The following AUTS2 variants were observed in gnomAD, a reference collection of about 807,000 sequenced individuals.
The protein encoded by AUTS2 is activator of transcription and developmental regulator AUTS2, also known as autism susceptibility gene 2 protein.
AUTS2 carries 17 observed loss-of-function variants against 112.4 expected under a neutral mutation model. That is an observed-to-expected ratio of 0.15 (90% CI 0.10 to 0.23). The LOEUF (loss-of-function observed/expected upper bound fraction) is 0.23, where lower values mean the gene tolerates loss of function less well. AUTS2 is among the 10% of genes least tolerant of loss of function. AUTS2 has a pLI of 1.00. For synonymous variants in AUTS2, 751 were observed against 702.7 expected, an observed-to-expected ratio of 1.07 and a Z score of -1.09; for missense variants, 1,510 against 1,701.6, an observed-to-expected ratio of 0.89 and a Z score of 1.98.
intron 1 of AUTS2, among the ~76,000 whole-genome samples, chr7:69,745,168 C>T (rs1348984521): frequency 6.6e-6 from 1 of 152,158 alleles, no homozygotes; most frequent in Non-Finnish European, 1.5e-5. Flanking sequence ...AAAACCACCT[C>T]TCCCTACGCC....
intron 4 of AUTS2, among the ~76,000 whole-genome samples, chr7:70,186,485 C>A (rs1190900109): frequency 3.3e-5 from 5 of 151,896 alleles, no homozygotes; most frequent in African/African-American, 1.2e-4. Context: ...ATTCCTGAAC[C>A]AAAAGATAAG....
chr7:70,746,173 G>T (rs1246027794), intron 6 of AUTS2, among the ~76,000 whole-genome samples: 1 of 152,162 alleles, frequency 6.6e-6, no homozygotes, highest in Non-Finnish European at 1.5e-5. Flanking sequence ...TTGAGACAGA[G>T]TCTCACTCTG....
intron 5 of AUTS2, among the ~76,000 whole-genome samples, chr7:70,510,464 T>G (rs962130105): frequency 5.9e-5 from 9 of 152,222 alleles, no homozygotes; most frequent in African/African-American, 2.2e-4. Flanking sequence ...ACACAGTGGT[T>G]CTCAAAGAGT....
intron 5 of AUTS2, among the ~76,000 whole-genome samples, chr7:70,685,027 C>T (rs2129545648): frequency 6.6e-6 from 1 of 152,202 alleles, no homozygotes; most frequent in Middle Eastern, 3.4e-3. Flanking sequence ...GGGTTCACTT[C>T]TTGGTTGGTT....
At chr7:69,630,113 C>T (rs547981610) in intron 1 of AUTS2, among the ~76,000 whole-genome samples, 3 of 152,166 alleles carry the variant, frequency 2.0e-5, no homozygotes, top group East Asian at 3.9e-4. Context: ...AAAAATTAGC[C>T]AGGCGTAGTG....
intron 4 of AUTS2, among the ~76,000 whole-genome samples, chr7:70,364,463 A>G (rs60365988): frequency 0.095 from 14,354 of 151,606 alleles, 1,096 homozygotes; most frequent in African/African-American, 0.21. Context: ...CTACTTGGGA[A>G]GCTGAGGCAG....
intron 2 of AUTS2, among the ~76,000 whole-genome samples, chr7:70,038,291 G>A (rs977521259): frequency 1.3e-5 from 2 of 152,124 alleles, no homozygotes; most frequent in Non-Finnish European, 2.9e-5. Flanking sequence ...TACAAATGAA[G>A]GAGGGAATAG....
intron 1 of AUTS2, among the ~76,000 whole-genome samples, chr7:69,790,431 A>G (rs1176221785): frequency 6.6e-6 from 1 of 152,180 alleles, no homozygotes; most frequent in African/African-American, 2.4e-5. Flanking sequence ...GGAGAGGGAG[A>G]AAAGGGTGGT....
At chr7:70,151,925 T>A (rs909197375) in intron 4 of AUTS2, among the ~76,000 whole-genome samples, 5 of 152,152 alleles carry the variant, frequency 3.3e-5, no homozygotes, top group African/African-American at 1.2e-4. Context: ...GAATCAGATG[T>A]TAGAATTAAC....
chr7:69,928,809 G>A (rs1041818775), intron 2 of AUTS2, among the ~76,000 whole-genome samples: 1 of 152,092 alleles, frequency 6.6e-6, no homozygotes, highest in Admixed American at 6.5e-5. Flanking sequence ...TTCCTGTCCC[G>A]CCAACTCTGT....
chr7:70,668,747 C>T (rs1003539336), intron 5 of AUTS2, among the ~76,000 whole-genome samples: 21 of 152,182 alleles, frequency 1.4e-4, no homozygotes, highest in African/African-American at 4.6e-4. Flanking sequence ...TCTGGGTGAA[C>T]GCATGACATA....
chr7:70,789,737 C>G lies in AUTS2; in HGVS notation c.2532-11C>G, dbSNP rs577956315. The G allele has an allele frequency of 1.2e-5, 19 of 1,605,512 alleles. No individual in the cohort carries two copies. The African/African-American group carries it at 2.4e-4, about 20-fold the overall frequency. On this transcript the variant is annotated splice_polypyrimidine_tract_variant and intron_variant, in intron 18 of 18. Coordinates refer to ENST00000342771, the MANE Select transcript of AUTS2 (RefSeq NM_015570.4). ...TTCATCTGCGTCCTTGTCTTCCCCT[C>G]TCTCCCCCAGGGAAAGCGTCGAGAA...
chr7:70,414,851 T>C (rs2130542154), intron 4 of AUTS2, among the ~76,000 whole-genome samples: 1 of 152,192 alleles, frequency 6.6e-6, no homozygotes, highest in East Asian at 1.9e-4. Flanking sequence ...CAGTTTGTCT[T>C]TAGTTTACTT....
chr7:70,491,397 T>C (rs1274636696), intron 5 of AUTS2, among the ~76,000 whole-genome samples: 1 of 147,938 alleles, frequency 6.8e-6, no homozygotes, highest in African/African-American at 2.5e-5. Context: ...GTTAAATGAC[T>C]TGGTGTGTGT....
chr7:69,719,565 G>A (rs1238387643), intron 1 of AUTS2, among the ~76,000 whole-genome samples: 1 of 152,198 alleles, frequency 6.6e-6, no homozygotes, highest in South Asian at 2.1e-4. Context: ...TTTGGTGTCA[G>A]GAAACCTGTC....
At chr7:70,323,466 C>T (rs1790347660) in intron 4 of AUTS2, among the ~76,000 whole-genome samples, 1 of 152,122 alleles carries the variant, frequency 6.6e-6, no homozygotes, top group Non-Finnish European at 1.5e-5. Context: ...TCAGGGTCAG[C>T]CACTGTAGCC....
At chr7:70,165,344 G>A (rs1255393987) in intron 4 of AUTS2, among the ~76,000 whole-genome samples, 1 of 152,088 alleles carries the variant, frequency 6.6e-6, no homozygotes, top group African/African-American at 2.4e-5. Context: ...ATGAAGAAAA[G>A]CATACCTACG....
Position 70,573,748 on chromosome 7 carries a change from T to C in AUTS2, c.691-124821T>C, listed in dbSNP as rs187651310. Among the ~76,000 whole-genome samples, 244 of 152,058 alleles carry C rather than the reference T, an allele frequency of 1.6e-3. 1 individual carries two copies. Among genetic ancestry groups the C allele is most frequent in the African/African-American group, 5.8e-3 (240 of 41,464 alleles). On this transcript the variant is annotated intron_variant, in intron 5 of 18. Transcript: ENST00000342771. ...TCAAAGGATAATGAGATTAATATAGTAGGAAACTTAGCTGAGCAAAAAGCT... is the reference window on the plus strand; with the variant it reads ...TCAAAGGATAATGAGATTAATATAGCAGGAAACTTAGCTGAGCAAAAAGCT...
chr7:70,076,557 G>A (rs1305341188), intron 2 of AUTS2, among the ~76,000 whole-genome samples: 1 of 152,172 alleles, frequency 6.6e-6, no homozygotes, highest in Non-Finnish European at 1.5e-5. Flanking sequence ...AGAGTGGTCT[G>A]TGGTTGCAGG....
Sources: gnomAD v4.1 joint callset for allele counts (sites outside exome capture counted in the v4.1 genomes callset) on GRCh38, gnomAD v4.1.1 for gene constraint, MANE v1.5 for transcripts, NCBI Gene and HGNC (gene_info 2026-07-23, HGNC 2026-07-21) for gene names.